The following ZNF2 variants were observed in gnomAD, a reference collection of about 807,000 sequenced individuals.
The protein encoded by ZNF2 is zinc finger protein 2, also known as zinc finger protein 2.2.
A neutral mutation model predicts 21.9 loss-of-function variants in ZNF2; 12 were observed. The observed-to-expected ratio is 0.55, with a 90% CI of 0.35 to 0.89. ZNF2 has a LOEUF of 0.89. Ranked by LOEUF, ZNF2 falls within the 40% of genes least tolerant of loss-of-function variation. The pLI is 0.01. For synonymous variants in ZNF2, 186 were observed against 196.3 expected (o/e 0.95, Z 0.44); for missense variants, 462 against 544.2 (o/e 0.85, Z 1.50).
intron 3 of ZNF2, among the ~76,000 whole-genome samples, chr2:95,177,956 C>T (rs879880828): frequency 1.3e-5 from 2 of 152,146 alleles, no homozygotes; most frequent in Non-Finnish European, 2.9e-5. Flanking sequence ...AGGCAGAAGA[C>T]GCTGAGTTTC....
At chr2:95,178,140 A>G (rs1674511381) in intron 3 of ZNF2, among the ~76,000 whole-genome samples, 1 of 152,200 alleles carries the variant, frequency 6.6e-6, no homozygotes, top group African/African-American at 2.4e-5. Context: ...CACAGAAGAC[A>G]CTTTGTAATT....
At chr2:95,177,391 G>T in intron 2 of ZNF2, 92 bp from the exon 3 acceptor site, 1 of 1,460,418 alleles carries the variant, frequency 6.8e-7, no homozygotes, top group Non-Finnish European at 9.3e-7. Context: ...CTCCCACCAT[G>T]CGTCCTCCAG....
chr2:95,172,333 TGCCAGCGAAGG>T (rs1674302376), intron 1 of ZNF2, among the ~76,000 whole-genome samples: 1 of 152,164 alleles, frequency 6.6e-6, no homozygotes, highest in East Asian at 1.9e-4. Context: ...AGTTTCCAGC[TGCCAGCGAAGG>T]GCCAGCATGC....
chr2:95,175,570 G>C (rs1008658356), intron 1 of ZNF2, among the ~76,000 whole-genome samples: 1 of 152,122 alleles, frequency 6.6e-6, no homozygotes, highest in Non-Finnish European at 1.5e-5. Context: ...CTTTCAGCTC[G>C]TCACCCACTT....
At chr2:95,173,988 C>T (rs1353625075) in intron 1 of ZNF2, among the ~76,000 whole-genome samples, 4 of 152,190 alleles carry the variant, frequency 2.6e-5, no homozygotes, top group Admixed American at 1.3e-4. Context: ...GGATTACAGG[C>T]GTGAGCCACC....
At position 95,174,294 on chromosome 2, in the gene ZNF2, C is replaced by T. The variant is rs557967302; in HGVS notation, c.-39-1894C>T. Among the ~76,000 whole-genome samples the T allele has an allele frequency of 2.0e-5, 3 of 152,242 alleles. No homozygotes were observed. In the South Asian group the frequency reaches 6.2e-4, roughly 32 times the overall value. On this transcript the variant is annotated intron_variant, in intron 1 of 4. Coordinates refer to ENST00000614034, the MANE Select transcript of ZNF2 (RefSeq NM_021088.4). ...CTGGGTCAAACAGTATGTTTCAAGG[C>T]CCTTGCTATAAGTCACAGTGATTTT...
At chr2:95,178,717 C>T (rs1558714771) in intron 3 of ZNF2, among the ~76,000 whole-genome samples, 1 of 152,028 alleles carries the variant, frequency 6.6e-6, no homozygotes, top group Non-Finnish European at 1.5e-5. Context: ...GGAATTTATC[C>T]TAAGGAAATA....
At chr2:95,172,194 A>C (rs1187602422) in intron 1 of ZNF2, among the ~76,000 whole-genome samples, 1 of 152,210 alleles carries the variant, frequency 6.6e-6, no homozygotes. Context: ...TGCCTAACAC[A>C]TACCAAAATT....
intron 1 of ZNF2, among the ~76,000 whole-genome samples, chr2:95,166,192 T>C (rs1674028469): frequency 6.6e-6 from 1 of 151,566 alleles, no homozygotes; most frequent in Non-Finnish European, 1.5e-5. Flanking sequence ...AAATCTAGGA[T>C]GCTGCCGCTC....
At chr2:95,179,293 CA>C (rs1279048560) in intron 3 of ZNF2, among the ~76,000 whole-genome samples, 16 of 152,260 alleles carry the variant, frequency 1.1e-4, no homozygotes, top group Middle Eastern at 3.4e-3. Context: ...TGCCCAGCCT[CA>C]TTATCCAGTT....
At chr2:95,181,037 A>G (rs768377220) in intron 4 of ZNF2, 66 bp from the exon 5 acceptor site, 2 of 1,549,366 alleles carry the variant, frequency 1.3e-6, no homozygotes. Context: ...TCATCGGAGC[A>G]TCTCTTCTTT....
At chr2:95,166,378 T>C (rs1224872246) in intron 1 of ZNF2, among the ~76,000 whole-genome samples, 4 of 152,022 alleles carry the variant, frequency 2.6e-5, no homozygotes, top group Non-Finnish European at 5.9e-5. Context: ...GAGCTGGAGA[T>C]AGTTTTTACA....
At chr2:95,175,179 G>A (rs1674400225) in intron 1 of ZNF2, among the ~76,000 whole-genome samples, 1 of 152,098 alleles carries the variant, frequency 6.6e-6, no homozygotes, top group South Asian at 2.1e-4. Flanking sequence ...CTGGTCTGTT[G>A]TTTTAATTAG....
At position 95,168,424 on chromosome 2, in the gene ZNF2, CAA is replaced by C. The variant is rs5832794; in HGVS notation, c.-40+2581_-40+2582del. ...TGGGCGACAGAGCCAGACTCCGTCTCAAAAAAAAAAAAAAAAAATACTGGGAA... is the reference window on the plus strand; with the variant it reads ...TGGGCGACAGAGCCAGACTCCGTCTCAAAAAAAAAAAAAAAATACTGGGAA... On this transcript the variant is annotated intron_variant, in intron 1 of 4. Coordinates refer to ENST00000614034, the MANE Select transcript of ZNF2 (RefSeq NM_021088.4). Among the ~76,000 whole-genome samples the C allele has an allele frequency of 1.2e-3, 137 of 115,750 alleles. 1 individual carries two copies. The highest frequency in any genetic ancestry group is 5.0e-3 in the Middle Eastern group (1 of 200). 75.9% of individuals were successfully genotyped at this position (115,750 alleles called of 152,430 possible). A position where few individuals can be genotyped will look rare whatever the true frequency, so the allele number is the denominator to read the frequency against.
intron 1 of ZNF2, among the ~76,000 whole-genome samples, chr2:95,172,214 C>G (rs114362324): frequency 0.029 from 4,388 of 152,254 alleles, 226 homozygotes; most frequent in African/African-American, 0.1. Context: ...TCCAGACCCT[C>G]CAATAGGAGA....
At chr2:95,173,708 TG>T (rs2104500534) in intron 1 of ZNF2, among the ~76,000 whole-genome samples, 1 of 152,322 alleles carries the variant, frequency 6.6e-6, no homozygotes, top group Admixed American at 6.5e-5. Flanking sequence ...TGGGTTTTTT[TG>T]TTTTGGTTTG....
rs190856970 is a variant in ZNF2 at position 95,179,407 on chromosome 2, A to C, written c.161-752A>C. 3.0e-4 allele frequency among the ~76,000 whole-genome samples: 45 copies of C among 152,342 alleles called. No homozygotes were observed. In the East Asian group the frequency reaches 8.3e-3, roughly 28 times the overall value. Reference sequence around the variant, plus strand: ...TTTCTTTTTGCTTGTATACACTTCTAATTTTCCTAGAATGCACCGGACAGA... The same window carrying C: ...TTTCTTTTTGCTTGTATACACTTCTCATTTTCCTAGAATGCACCGGACAGA... On this transcript the variant is annotated intron_variant, in intron 3 of 4. Coordinates refer to ENST00000614034, the MANE Select transcript of ZNF2 (RefSeq NM_021088.4).
chr2:95,171,517 G>C (rs1674269518), intron 1 of ZNF2, among the ~76,000 whole-genome samples: 1 of 151,850 alleles, frequency 6.6e-6, no homozygotes, highest in Admixed American at 6.6e-5. Flanking sequence ...CAAGTAGCTG[G>C]GATTACAGGT....
intron 3 of ZNF2, among the ~76,000 whole-genome samples, chr2:95,178,112 G>C (rs1424805096): frequency 2.0e-5 from 3 of 152,194 alleles, no homozygotes; most frequent in African/African-American, 7.2e-5. Context: ...ATTTGTCTTA[G>C]GTACAGTCTT....
Sources: gnomAD v4.1 joint callset for allele counts (sites outside exome capture counted in the v4.1 genomes callset) on GRCh38, gnomAD v4.1.1 for gene constraint, MANE v1.5 for transcripts, NCBI Gene and HGNC (gene_info 2026-07-23, HGNC 2026-07-21) for gene names.